Variants in DMD observed in about 807,000 individuals in gnomAD.
DMD encodes the protein mutant dystrophin.
A neutral mutation model predicts 330.1 loss-of-function variants in DMD; 63 were observed. The observed-to-expected ratio is 0.19, with a 90% confidence interval of 0.16 to 0.24. The LOEUF is 0.24. Among genes scored for constraint, DMD ranks in the 10% least tolerant of loss-of-function variants. The pLI is 1.00. For missense variants in DMD, 3,344 were observed against 2,684.1 expected (o/e 1.25, Z -5.43); for synonymous variants, 1,223 against 959.8 (o/e 1.27, Z -5.07).
At position 32,136,456 on chromosome X, in the gene DMD, A is replaced by G. The variant is rs749435082; in HGVS notation, c.6438+80460T>C. On this transcript the variant is annotated intron_variant, in intron 44 of 78. Transcript: ENST00000357033. ...TCATTAAGGCATATGTTCCTTTATGAAAAACATTCCATTCCTGGCAGCCGA... is the reference window on the plus strand; with the variant it reads ...TCATTAAGGCATATGTTCCTTTATGGAAAACATTCCATTCCTGGCAGCCGA... Among the ~76,000 whole-genome samples, 4 of 112,712 alleles carry G rather than the reference A, an allele frequency of 3.5e-5. No individual in the cohort carries two copies. In the South Asian group the frequency reaches 1.4e-3, roughly 40 times the overall value.
At chrX:31,658,241 C>T in intron 53 of DMD, 97 bp from the exon 54 acceptor site, 2 of 950,035 alleles carry the variant, frequency 2.1e-6, no homozygotes, top group Non-Finnish European at 3.0e-6. Context: ...CTTCTGAATC[C>T]TCAGGTCAGA....
chrX:32,070,984 G>A (rs1186441633), intron 44 of DMD, among the ~76,000 whole-genome samples: 1 of 111,522 alleles, frequency 9.0e-6, no homozygotes, highest in African/African-American at 3.3e-5. Flanking sequence ...TCCCTACAAA[G>A]GACGTGAACT....
intron 61 of DMD, among the ~76,000 whole-genome samples, chrX:31,326,310 A>G (rs1290832805): frequency 9.0e-6 from 1 of 111,235 alleles, no homozygotes; most frequent in Non-Finnish European, 1.9e-5. Context: ...AAATAGCTGA[A>G]AATATTTTTA....
intron 12 of DMD, among the ~76,000 whole-genome samples, chrX:32,610,619 T>C (rs148829938): frequency 9.0e-6 from 1 of 111,556 alleles, no homozygotes; most frequent in African/African-American, 3.2e-5. Context: ...ACCTCTGATC[T>C]GAGCAGAATT....
At chrX:32,661,421 TTG>T (rs1192619296) in intron 9 of DMD, among the ~76,000 whole-genome samples, 3 of 111,223 alleles carry the variant, frequency 2.7e-5, no homozygotes, top group Non-Finnish European at 5.7e-5. Context: ...GGTTAGAAAC[TTG>T]CCCAAGGTCG....
In DMD at chrX:32,654,547, A is replaced by T. The variant is rs765792107; in HGVS notation, c.961-9395T>A. On this transcript the variant is annotated intron_variant, in intron 9 of 78. Transcript: ENST00000357033. ...CTTTTTGATGTGCTGCTGGATTCGG[A>T]TTGCCAGTATTTTATTGAGGATTTT... 9.5e-3 allele frequency among the ~76,000 whole-genome samples: 1,052 copies of T among 111,289 alleles called. 7 individuals are homozygous for T. Among genetic ancestry groups the T allele is most frequent in the Middle Eastern group, 0.032 (7 of 217 alleles).
intron 44 of DMD, among the ~76,000 whole-genome samples, chrX:32,208,691 A>G (rs1279425434): frequency 1.8e-5 from 2 of 112,013 alleles, no homozygotes; most frequent in Admixed American, 1.9e-4. Context: ...AACTCATGAG[A>G]CTGTGAGCTC....
At chrX:32,635,004 G>A (rs377730416) in intron 11 of DMD, among the ~76,000 whole-genome samples, 3 of 111,921 alleles carry the variant, frequency 2.7e-5, no homozygotes, top group Admixed American at 9.4e-5. Context: ...AAGGCTTGCC[G>A]GAACTCAGGT....
chrX:33,142,722 A>G (rs1433930971), intron 1 of DMD, among the ~76,000 whole-genome samples: 1 of 112,531 alleles, frequency 8.9e-6, no homozygotes, highest in Non-Finnish European at 1.9e-5. Context: ...ATTAAATGTT[A>G]TATCCTTAGA....
chrX:32,318,990 C>T (rs1441777477), intron 41 of DMD, among the ~76,000 whole-genome samples: 1 of 110,779 alleles, frequency 9.0e-6, no homozygotes, highest in Non-Finnish European at 1.9e-5. Context: ...TGAAATTTAC[C>T]TAATTCCTCA....
At chrX:32,571,499 T>C (rs1451493904) in intron 15 of DMD, among the ~76,000 whole-genome samples, 3 of 111,728 alleles carry the variant, frequency 2.7e-5, no homozygotes, top group East Asian at 5.7e-4. Context: ...TACTCCTTGA[T>C]TGTAGACATT....
rs199719785 is a variant in DMD at position 32,914,542 on chromosome X, T to TA, written c.94-64723dup. 8.7e-3 allele frequency among the ~76,000 whole-genome samples: 980 copies of TA among 112,195 alleles called. 11 individuals carry two copies. Among genetic ancestry groups the TA allele is most frequent in the African/African-American group, 0.03 (934 of 30,874 alleles). Reference sequence around the variant, plus strand: ...CTTTGGATTTCATGCCATGGCAAGGTAAAATCCATCTGCAACATCAAAAAC... The same window carrying TA: ...CTTTGGATTTCATGCCATGGCAAGGTAAAAATCCATCTGCAACATCAAAAAC... On this transcript the variant is annotated intron_variant, in intron 2 of 78. Transcript: ENST00000357033.
At chrX:31,478,443 C>T in intron 58 of DMD, 69 bp from the exon 59 acceptor site, 1 of 1,181,773 alleles carries the variant, frequency 8.5e-7, no homozygotes. Context: ...AAAGGTCATA[C>T]TGGAAGAAAG....
chrX:32,427,802 TTC>T (rs1383604876), intron 29 of DMD, among the ~76,000 whole-genome samples: 1 of 111,344 alleles, frequency 9.0e-6, no homozygotes, highest in Non-Finnish European at 1.9e-5. Context: ...GTGATTAAAT[TTC>T]TGTCTCCTCA....
intron 1 of DMD, among the ~76,000 whole-genome samples, chrX:33,170,432 A>G (rs1159987505): frequency 9.0e-6 from 1 of 111,307 alleles, no homozygotes; most frequent in African/African-American, 3.3e-5. Flanking sequence ...TCATTCAGAT[A>G]TAAAGAAACT....
intron 66 of DMD, 79 bp downstream of exon 66, chrX:31,206,503 A>G: frequency 1.2e-6 from 1 of 844,592 alleles, no homozygotes; most frequent in Non-Finnish European, 1.7e-6. Flanking sequence ...AAATAAGAAC[A>G]GTCTGTCATT....
intron 41 of DMD, among the ~76,000 whole-genome samples, chrX:32,341,661 A>T (rs1478763362): frequency 1.8e-5 from 2 of 111,882 alleles, no homozygotes; most frequent in Non-Finnish European, 3.8e-5. Context: ...TGGCTTATGC[A>T]GGTTGACATA....
chrX:32,845,809 G>C (rs2080604054), intron 3 of DMD, among the ~76,000 whole-genome samples: 1 of 112,289 alleles, frequency 8.9e-6, no homozygotes, highest in Non-Finnish European at 1.9e-5. Flanking sequence ...CTGTATACCA[G>C]TTTTCTCATC....
chrX:33,126,939 A>T (rs982032466), intron 1 of DMD, among the ~76,000 whole-genome samples: 1 of 112,002 alleles, frequency 8.9e-6, no homozygotes, highest in Non-Finnish European at 1.9e-5. Flanking sequence ...ATATAAAATT[A>T]AAAAATATAT....
Sources: gnomAD v4.1 joint callset for allele counts (sites outside exome capture counted in the v4.1 genomes callset) on GRCh38, gnomAD v4.1.1 for gene constraint, MANE v1.5 for transcripts, NCBI Gene and HGNC (gene_info 2026-07-23, HGNC 2026-07-21) for gene names.